Variants in TWIST2 observed in about 807,000 individuals in gnomAD.
The protein encoded by TWIST2 is twist-related protein 2.
In TWIST2, 1 loss-of-function variant was observed where a neutral mutation model predicts 11.6. That is an observed-to-expected ratio of 0.09 (90% confidence interval 0.03 to 0.41). The LOEUF (loss-of-function observed/expected upper bound fraction) is 0.41. Among genes scored for constraint, TWIST2 ranks in the 10% least tolerant of loss-of-function variants. The pLI, the probability that TWIST2 is intolerant of heterozygous loss-of-function variation, is 0.98. For synonymous variants in TWIST2, 87 were observed against 96.6 expected (o/e 0.90, Z 0.58); for missense variants, 168 against 226.4 (o/e 0.74, Z 1.66).
At chr2:238,902,180 G>A (rs955084928) in intron 1 of TWIST2, among the ~76,000 whole-genome samples, 10 of 152,034 alleles carry the variant, frequency 6.6e-5, no homozygotes, top group Admixed American at 6.5e-4. Flanking sequence ...TGGTGTGTGT[G>A]TGTGTGCAAG....
chr2:238,901,936 A>G (rs1450288139), intron 1 of TWIST2, among the ~76,000 whole-genome samples: 1 of 152,086 alleles, frequency 6.6e-6, no homozygotes, highest in East Asian at 1.9e-4. Context: ...GGTGGGGGTG[A>G]GAGCATTTTT....
At chr2:238,854,155 AAGAC>A (rs1559266717) in intron 1 of TWIST2, among the ~76,000 whole-genome samples, 1 of 152,172 alleles carries the variant, frequency 6.6e-6, no homozygotes, top group Non-Finnish European at 1.5e-5. Context: ...ACTGAAATGA[AAGAC>A]AGGGTTGAAC....
chr2:238,897,656 C>T (rs1329958468), intron 1 of TWIST2, among the ~76,000 whole-genome samples: 4 of 152,194 alleles, frequency 2.6e-5, no homozygotes, highest in South Asian at 2.1e-4. Flanking sequence ...CACTCTCTAC[C>T]GTGAAAGCAG....
Position 238,866,692 on chromosome 2 carries a change from C to T in TWIST2, c.*35+17959C>T, listed in dbSNP as rs1692542934. Among the ~76,000 whole-genome samples, 2 of 152,156 alleles carry T rather than the reference C, an allele frequency of 1.3e-5. No individual in the cohort carries two copies. Among genetic ancestry groups the T allele is most frequent in the African/African-American group, 4.8e-5 (2 of 41,444 alleles). Reference sequence around the variant, plus strand: ...AAGAAAAGCACGGCGCCTTCATGTTCCATGCCTTCACGCTGCTCTCCCTTG... The same window carrying T: ...AAGAAAAGCACGGCGCCTTCATGTTTCATGCCTTCACGCTGCTCTCCCTTG... On this transcript the variant is annotated intron_variant, in intron 1 of 1. Transcript: ENST00000612363. This position sits in a 1 kb window ranked among gnomAD's most constrained non-coding sequence, Gnocchi z 4.9.
At chr2:238,871,859 C>T (rs942731933) in intron 1 of TWIST2, among the ~76,000 whole-genome samples, 3 of 152,022 alleles carry the variant, frequency 2.0e-5, no homozygotes, top group Non-Finnish European at 2.9e-5. Context: ...TTCATAGAGA[C>T]GGAAGGCAGA....
Position 238,848,732 on chromosome 2 carries a change from G to C in TWIST2, c.*34G>C, listed in dbSNP as rs1305091140. 3.5e-6 allele frequency: 5 copies of C among 1,412,628 alleles called. No individual in the cohort carries two copies. Among genetic ancestry groups the C allele is most frequent in the Non-Finnish European group, 4.6e-6 (5 of 1,088,250 alleles). 87.5% of individuals were successfully genotyped at this position (1,412,628 alleles called of 1,614,324 possible). On this transcript the variant is annotated splice_region_variant and 3_prime_UTR_variant, in exon 1 of 2. Coordinates refer to ENST00000612363, the MANE Select transcript of TWIST2 (RefSeq NM_001271893.4). Reference sequence around the variant, plus strand: ...CACCCACCTCCGGACCGGCGCGCCAGGGTAGGTGCTGCGCGCGCGACGGGC... The same window carrying C: ...CACCCACCTCCGGACCGGCGCGCCACGGTAGGTGCTGCGCGCGCGACGGGC...
At chr2:238,905,915 G>T (rs1490145735) in intron 1 of TWIST2, among the ~76,000 whole-genome samples, 43 of 96,600 alleles carry the variant, frequency 4.5e-4, no homozygotes, top group Admixed American at 3.9e-3. Context: ...GTGTGTGTGC[G>T]TGCAGGTGTG....
intron 1 of TWIST2, among the ~76,000 whole-genome samples, chr2:238,881,509 G>A (rs1226313448): frequency 1.3e-5 from 2 of 151,940 alleles, no homozygotes; most frequent in Non-Finnish European, 2.9e-5. Context: ...TAATGTTGGT[G>A]TTAGTATTTG....
intron 1 of TWIST2, among the ~76,000 whole-genome samples, chr2:238,877,084 C>G (rs956453474): frequency 6.6e-6 from 1 of 152,116 alleles, no homozygotes; most frequent in African/African-American, 2.4e-5. Flanking sequence ...GTGGTCCCAG[C>G]TACTCAGGAG....
intron 1 of TWIST2, among the ~76,000 whole-genome samples, chr2:238,893,690 A>G (rs2106370474): frequency 6.6e-6 from 1 of 152,258 alleles, no homozygotes; most frequent in Admixed American, 6.5e-5. Flanking sequence ...TCCCAGACAT[A>G]CAGTGTGGGG....
At chr2:238,901,676 G>A (rs1198998792) in intron 1 of TWIST2, among the ~76,000 whole-genome samples, 10 of 152,168 alleles carry the variant, frequency 6.6e-5, no homozygotes, top group Non-Finnish European at 1.5e-4. Flanking sequence ...GTGTCTGAGG[G>A]GTCAGGAGGC....
At chr2:238,857,202 A>G (rs533891572) in intron 1 of TWIST2, among the ~76,000 whole-genome samples, 58 of 152,206 alleles carry the variant, frequency 3.8e-4, no homozygotes, top group African/African-American at 1.3e-3. Flanking sequence ...GAGGGGAGCA[A>G]GAGGAAGGAC....
intron 1 of TWIST2, among the ~76,000 whole-genome samples, chr2:238,852,943 A>G (rs1321350942): frequency 3.3e-5 from 5 of 152,228 alleles, no homozygotes; most frequent in Admixed American, 6.5e-5. Context: ...AGAAATTACT[A>G]CTAAGATTTA....
chr2:238,848,182 G>C lies in TWIST2; in HGVS notation c.-34G>C. The C allele has an allele frequency of 8.2e-7, 1 of 1,220,694 alleles. No homozygotes were observed. The highest frequency in any genetic ancestry group is 4.1e-5 in the South Asian group (1 of 24,480). 75.6% of individuals were successfully genotyped at this position (1,220,694 alleles called of 1,614,324 possible). On this transcript the variant is annotated 5_prime_UTR_variant, in exon 1 of 2. Transcript: ENST00000612363. ...CCAGCGGCGCGCGCTCGGCGCCCCG[G>C]CGCCCCCAGCCCCACGCGCGCCGGG...
intron 1 of TWIST2, among the ~76,000 whole-genome samples, chr2:238,905,922 TGTGCGTGTGCGC>T (rs1693341316): frequency 8.5e-6 from 1 of 117,164 alleles, no homozygotes; most frequent in Non-Finnish European, 1.7e-5. Context: ...TGCGTGCAGG[TGTGCGTGTGCGC>T]GTGTGTGTGC....
intron 1 of TWIST2, among the ~76,000 whole-genome samples, chr2:238,908,900 AGT>A (rs1693402431): frequency 2.2e-4 from 2 of 9,140 alleles, no homozygotes; most frequent in Non-Finnish European, 5.2e-4. Flanking sequence ...TGGTGTATGT[AGT>A]GTGTTTGTGT....
chr2:238,900,192 T>C (rs936333959), intron 1 of TWIST2, among the ~76,000 whole-genome samples: 1 of 152,210 alleles, frequency 6.6e-6, no homozygotes, highest in Non-Finnish European at 1.5e-5. Context: ...CTGCTTTTTC[T>C]TGGATGAGTT....
intron 1 of TWIST2, among the ~76,000 whole-genome samples, chr2:238,900,222 A>T (rs1693253140): frequency 6.6e-6 from 1 of 152,136 alleles, no homozygotes; most frequent in Admixed American, 6.5e-5. Context: ...GGACAGCATG[A>T]GAATTAAGAG....
At chr2:238,899,304 G>A (rs1693242414) in intron 1 of TWIST2, among the ~76,000 whole-genome samples, 1 of 152,238 alleles carries the variant, frequency 6.6e-6, no homozygotes, top group South Asian at 2.1e-4. Context: ...ACCCAGTTGG[G>A]GAAGAAAACA....
Sources: gnomAD v4.1 joint callset for allele counts (sites outside exome capture counted in the v4.1 genomes callset) on GRCh38, gnomAD v4.1.1 for gene constraint, Gnocchi (gnomAD v3.1) non-coding constraint, MANE v1.5 for transcripts, NCBI Gene and HGNC (gene_info 2026-07-23, HGNC 2026-07-21) for gene names.